OSTC: variants seen among roughly 807,000 people sequenced by gnomAD.
OSTC encodes the protein oligosaccharyltransferase complex subunit OSTC.
In OSTC, 16 loss-of-function variants were observed where a neutral mutation model predicts 16.4. The ratio of observed to expected loss-of-function variants is 0.98; its 90% CI spans 0.66 to 1.49. OSTC has a LOEUF of 1.49. Ranked by LOEUF, OSTC falls within the 40% of genes most tolerant of loss-of-function variation. The probability of loss-of-function intolerance (pLI) is 0.00; values close to 1 mark genes in which losing one functional copy is unlikely to be tolerated. For synonymous variants in OSTC, 67 were observed against 68.5 expected, an observed-to-expected ratio of 0.98 and a Z score of 0.11; for missense variants, 139 against 186.3, an observed-to-expected ratio of 0.75 and a Z score of 1.48.
intron 3 of OSTC, among the ~76,000 whole-genome samples, chr4:108,659,539 C>T (rs1444436544): frequency 2.0e-5 from 3 of 152,044 alleles, no homozygotes; most frequent in Non-Finnish European, 2.9e-5. Flanking sequence ...GAGGCTGAAG[C>T]GGGCGGATCA....
At chr4:108,655,106 A>C (rs904707479) in intron 1 of OSTC, among the ~76,000 whole-genome samples, 3 of 152,234 alleles carry the variant, frequency 2.0e-5, no homozygotes, top group Non-Finnish European at 4.4e-5. Flanking sequence ...ATGATTTATC[A>C]GAACTTTAGA....
intron 1 of OSTC, among the ~76,000 whole-genome samples, chr4:108,653,842 A>G (rs1726621690): frequency 6.6e-6 from 1 of 152,164 alleles, no homozygotes; most frequent in Non-Finnish European, 1.5e-5. Flanking sequence ...GTTCTTGAGG[A>G]GCTTACATGT....
At chr4:108,666,565 G>T (rs1403752082) in intron 3 of OSTC, among the ~76,000 whole-genome samples, 1 of 152,068 alleles carries the variant, frequency 6.6e-6, no homozygotes, top group Non-Finnish European at 1.5e-5. Context: ...GAAAAAGTTA[G>T]CTGGGCGTGG....
rs759797426 is a variant in OSTC, at chr4:108,650,809, C to G, written c.139+15C>G. The G allele has an allele frequency of 1.2e-6, 2 of 1,613,872 alleles. No homozygotes were observed. The highest frequency in any genetic ancestry group is 1.1e-5 in the South Asian group (1 of 91,062). The stretch of plus-strand genomic sequence containing the variant: ...CATCACCGGAGGTAACTCGGGCTGT[C>G]GGGCCCGAGAGGCTGAGGAGCGGAG... On this transcript the variant is annotated intron_variant, in intron 1 of 3. Coordinates refer to ENST00000361564, the MANE Select transcript of OSTC (RefSeq NM_021227.4).
intron 3 of OSTC, among the ~76,000 whole-genome samples, chr4:108,662,062 A>G (rs1037527774): frequency 1.3e-4 from 20 of 152,256 alleles, no homozygotes; most frequent in African/African-American, 4.8e-4. Context: ...AGATACTATC[A>G]GATAATTGAG....
chr4:108,664,109 A>G (rs1023215809), intron 3 of OSTC, among the ~76,000 whole-genome samples: 22 of 152,162 alleles, frequency 1.4e-4, no homozygotes, highest in African/African-American at 5.3e-4. Flanking sequence ...TTTTTCTAAC[A>G]TGGTATCGTT....
At chr4:108,655,493 CA>C in intron 1 of OSTC, 70 bp from the exon 2 acceptor site, 1 of 957,990 alleles carries the variant, frequency 1.0e-6, no homozygotes, top group Non-Finnish European at 1.6e-6. Context: ...CCTTAAGAGA[CA>C]ATGAAAACTA....
chr4:108,650,621 G>T lies in OSTC; in HGVS notation c.-35G>T. 1 of 1,610,640 alleles carries T rather than the reference G, an allele frequency of 6.2e-7. No homozygotes were observed. Among genetic ancestry groups the T allele is most frequent in the Non-Finnish European group, 8.5e-7 (1 of 1,177,754 alleles). ...GGCCTGTTTCCGGGAGGCGCGTGGG[G>T]CTTGAGGCCGAGAACGGCCCTTGCT... On this transcript the variant is annotated 5_prime_UTR_variant, in exon 1 of 4. Transcript: ENST00000361564.
At chr4:108,666,796 A>T (rs1401372510) in intron 3 of OSTC, among the ~76,000 whole-genome samples, 2 of 150,912 alleles carry the variant, frequency 1.3e-5, no homozygotes, top group African/African-American at 4.9e-5. Flanking sequence ...ACCTGAAGTC[A>T]GGAGTTCCAG....
Position 108,650,615 on chromosome 4 carries a change from C to G in OSTC, c.-41C>G, listed in dbSNP as rs765416243. ...AGGGCGGGCCTGTTTCCGGGAGGCG[C>G]GTGGGGCTTGAGGCCGAGAACGGCC... On this transcript the variant is annotated 5_prime_UTR_variant, in exon 1 of 4. Transcript: ENST00000361564. 3 of 1,608,074 alleles carry G rather than the reference C, an allele frequency of 1.9e-6. No individual in the cohort carries two copies.
rs1311862962 is a variant in OSTC at position 108,657,605 on chromosome 4, T to C, written c.389T>C (p.Leu130Ser). ...TTCATTGGATTCGTCTGTGTCCTAT[T>C]GAGTTTTTTCATGGCTAGAGTATTC... ...LLFIGFVCVL[L>S]SFFMARVFMR... Residue 130 changes from leucine (L) to serine (S), a missense_variant, in exon 3 of 4, where the codon TTG becomes TCG. Physicochemically the swap from Leu to Ser is moderately radical, Grantham distance 145. Transcript: ENST00000361564. The C allele has an allele frequency of 6.2e-7, 1 of 1,613,868 alleles. No individual in the cohort carries two copies. The highest frequency in any genetic ancestry group is 8.5e-7 in the Non-Finnish European group (1 of 1,179,834).
intron 3 of OSTC, among the ~76,000 whole-genome samples, chr4:108,658,490 G>A (rs543651703): frequency 3.4e-4 from 51 of 151,834 alleles, no homozygotes; most frequent in African/African-American, 1.2e-3. Flanking sequence ...TTTTGATTCA[G>A]AAAACTTTTC....
chr4:108,660,013 A>G (rs778593365), intron 3 of OSTC, among the ~76,000 whole-genome samples: 2 of 152,198 alleles, frequency 1.3e-5, no homozygotes, highest in Non-Finnish European at 2.9e-5. Context: ...TTTCAGGATA[A>G]TAGAGCTATC....
At chr4:108,653,125 T>G (rs1726600034) in intron 1 of OSTC, among the ~76,000 whole-genome samples, 1 of 152,102 alleles carries the variant, frequency 6.6e-6, no homozygotes, top group Admixed American at 6.5e-5. Flanking sequence ...TGCAGGAGTT[T>G]GAAGTGGGAG....
intron 1 of OSTC, chr4:108,651,132 C>T: frequency 4.3e-6 from 1 of 234,614 alleles, no homozygotes; most frequent in Non-Finnish European, 8.5e-6. Flanking sequence ...CCTGGGAAAG[C>T]CTAATTTGGC....
chr4:108,660,473 T>A (rs566365891), intron 3 of OSTC, among the ~76,000 whole-genome samples: 1 of 152,214 alleles, frequency 6.6e-6, no homozygotes, highest in Non-Finnish European at 1.5e-5. Flanking sequence ...GAGCAAGGAC[T>A]GTTGGCCTGT....
chr4:108,664,379 C>T (rs1214564680), intron 3 of OSTC, among the ~76,000 whole-genome samples: 1 of 151,926 alleles, frequency 6.6e-6, no homozygotes, highest in East Asian at 1.9e-4. Context: ...CTTTAGTACT[C>T]TTGTTTCATA....
chr4:108,663,359 C>T (rs1726911446), intron 3 of OSTC: 1 of 358,128 alleles, frequency 2.8e-6, no homozygotes, highest in African/African-American at 2.2e-5. Context: ...CTACAGGCGC[C>T]CACCACCATG....
chr4:108,657,428 T>C (rs1726738933), intron 2 of OSTC, 22 bp from the exon 3 acceptor site: 1 of 1,577,124 alleles, frequency 6.3e-7, no homozygotes, highest in African/African-American at 1.4e-5. Flanking sequence ...TATCTTTCTA[T>C]GGTCATTCTT....
Sources: allele counts gnomAD v4.1 joint callset (sites outside exome capture counted in the v4.1 genomes callset), GRCh38; gene constraint gnomAD v4.1.1; transcripts MANE v1.5; gene names NCBI Gene and HGNC (gene_info 2026-07-23, HGNC 2026-07-21).